GRK7: variants seen among roughly 807,000 people sequenced by gnomAD.
The protein encoded by GRK7 is rhodopsin kinase GRK7.
GRK7 carries 24 observed loss-of-function variants against 34.1 expected under a neutral mutation model. That is an observed-to-expected ratio of 0.70 (90% CI 0.51 to 0.99). The LOEUF (loss-of-function observed/expected upper bound fraction) is 0.99. GRK7 is among the 50% of genes least tolerant of loss of function. GRK7 has a pLI of 0.00. For synonymous variants in GRK7, 256 were observed against 279.4 expected (o/e 0.92, Z 0.84); for missense variants, 644 against 707.3 (o/e 0.91, Z 1.02).
chr3:141,769,912 G>A (rs1457656989), intron 1 of GRK7, among the ~76,000 whole-genome samples: 1 of 148,834 alleles, frequency 6.7e-6, no homozygotes, highest in Non-Finnish European at 1.5e-5. Flanking sequence ...ACAAGGTTTT[G>A]TTTGTTTGTT....
chr3:141,809,689 C>A (rs947522767), intron 5 of GRK7, among the ~76,000 whole-genome samples: 6 of 152,022 alleles, frequency 3.9e-5, no homozygotes, highest in Non-Finnish European at 7.4e-5. Context: ...CAGAGCAAGA[C>A]CCTGTCTCTA....
At chr3:141,751,783 C>T in the GRK7 span, among the ~76,000 whole-genome samples, 1 of 152,224 alleles carries the variant, frequency 6.6e-6, no homozygotes, top group Non-Finnish European at 1.5e-5. Context: ...ATACTAGCCA[C>T]ATTTCAAAGG....
At position 141,789,961 on chromosome 3, in the gene GRK7, T is replaced by C. The variant is rs560431865; in HGVS notation, c.1050+9150T>C. ...AAAAGCGCTCACAGTTTTGACTCCA[T>C]CTTATTGAGTTCATGCACATGGCAA... On this transcript the variant is annotated intron_variant, in intron 4 of 5. Coordinates refer to ENST00000682958, the MANE Select transcript of GRK7 (RefSeq NM_139209.3). 9.9e-5 allele frequency among the ~76,000 whole-genome samples: 15 copies of C among 152,214 alleles called. 1 individual carries two copies. The highest frequency in any genetic ancestry group is 3.6e-4 in the African/African-American group (15 of 41,554).
chr3:141,815,824 A>G (rs1711146990), intron 5 of GRK7, among the ~76,000 whole-genome samples: 1 of 152,010 alleles, frequency 6.6e-6, no homozygotes, highest in Admixed American at 6.6e-5. Context: ...CAATAACCAC[A>G]TGAGTGAGCT....
intron 1 of GRK7, among the ~76,000 whole-genome samples, 29 bp from the exon 2 acceptor site, chr3:141,774,551 T>C (rs932386291): frequency 6.6e-6 from 1 of 152,212 alleles, no homozygotes; most frequent in Admixed American, 6.5e-5. Flanking sequence ...TAAATATCTC[T>C]GTGATATCAA....
At chr3:141,798,696 C>A (rs957702669) in intron 4 of GRK7, among the ~76,000 whole-genome samples, 3 of 152,190 alleles carry the variant, frequency 2.0e-5, no homozygotes, top group Non-Finnish European at 4.4e-5. Context: ...TCTGAGGAGG[C>A]AGTTCACATG....
At chr3:141,779,122 TC>T (rs1257587076) in intron 3 of GRK7, among the ~76,000 whole-genome samples, 2 of 152,138 alleles carry the variant, frequency 1.3e-5, no homozygotes, top group Non-Finnish European at 2.9e-5. Flanking sequence ...TGGCCAAGAC[TC>T]TGTCATGGGT....
chr3:141,759,052 T>G (rs1407133097), upstream of GRK7, among the ~76,000 whole-genome samples: 2 of 141,248 alleles, frequency 1.4e-5, no homozygotes, highest in Non-Finnish European at 3.1e-5. Flanking sequence ...AAGGAGATTT[T>G]GGGCTGAGAC....
intron 4 of GRK7, among the ~76,000 whole-genome samples, chr3:141,788,963 C>T (rs1234990410): frequency 3.3e-5 from 5 of 152,060 alleles, no homozygotes; most frequent in Non-Finnish European, 7.4e-5. Flanking sequence ...GAGGTTCAAG[C>T]GCCACCATGC....
At chr3:141,799,975 T>C (rs1378526783) in intron 4 of GRK7, among the ~76,000 whole-genome samples, 2 of 152,200 alleles carry the variant, frequency 1.3e-5, no homozygotes, top group African/African-American at 4.8e-5. Flanking sequence ...TGAAATGTGC[T>C]CATTGGACGG....
chr3:141,755,797 T>C, the GRK7 span, among the ~76,000 whole-genome samples: 1 of 152,160 alleles, frequency 6.6e-6, no homozygotes, highest in Non-Finnish European at 1.5e-5. Flanking sequence ...GTTAAATATA[T>C]ACTTACCCTA....
At chr3:141,753,226 C>G in the GRK7 span, among the ~76,000 whole-genome samples, 1 of 152,158 alleles carries the variant, frequency 6.6e-6, no homozygotes, top group South Asian at 2.1e-4. Context: ...AAAGTTTGTT[C>G]ACATATTTTG....
intron 4 of GRK7, 130 bp from the exon 5 acceptor site, chr3:141,807,515 A>G: frequency 1.2e-6 from 1 of 844,716 alleles, no homozygotes; most frequent in Non-Finnish European, 1.8e-6. Context: ...GCCACCCCAA[A>G]CAAATTAGGG....
intron 4 of GRK7, among the ~76,000 whole-genome samples, chr3:141,784,031 G>A (rs565333235): frequency 7.2e-5 from 11 of 152,228 alleles, no homozygotes; most frequent in African/African-American, 2.4e-4. Context: ...CTTCTGAGTC[G>A]CCCATGGACA....
rs747391734 is a variant in GRK7, at chr3:141,778,399, C to A, written c.115C>A (p.Leu39Met). 1 of 1,612,522 alleles carries A rather than the reference C, an allele frequency of 6.2e-7. No homozygotes were observed. Residue 39 changes from leucine to methionine, a missense_variant, in exon 3 of 6, where the codon CTG becomes ATG. Leu to Met is a conservative substitution (Grantham distance 15). Transcript: ENST00000682958. The surrounding 1 kb of genome is among the most constrained non-coding windows in gnomAD (Gnocchi z 4.1). The part of the protein sequence containing the change: ...ELQRRRRSLA[L>M]PGLQGCAELR... Reference sequence around the variant, plus strand: ...GCAGCGGCGGCGGCGTAGCCTGGCCCTGCCCGGGCTGCAGGGCTGCGCGGA... The same window carrying A: ...GCAGCGGCGGCGGCGTAGCCTGGCCATGCCCGGGCTGCAGGGCTGCGCGGA...
At chr3:141,750,630 C>G in the GRK7 span, among the ~76,000 whole-genome samples, 1 of 152,046 alleles carries the variant, frequency 6.6e-6, no homozygotes, top group Non-Finnish European at 1.5e-5. Flanking sequence ...ATCTCTTTGC[C>G]TTAATTATAG....
chr3:141,797,793 G>C (rs1360388682), intron 4 of GRK7, among the ~76,000 whole-genome samples: 1 of 152,018 alleles, frequency 6.6e-6, no homozygotes, highest in Non-Finnish European at 1.5e-5. Flanking sequence ...GGGAAGACAC[G>C]GCCGTTTCTT....
chr3:141,772,770 A>G (rs1464892915), intron 1 of GRK7, among the ~76,000 whole-genome samples: 1 of 152,218 alleles, frequency 6.6e-6, no homozygotes, highest in African/African-American at 2.4e-5. Flanking sequence ...ATACTAAAAT[A>G]TTTAAATTGC....
intron 4 of GRK7, among the ~76,000 whole-genome samples, chr3:141,788,440 T>C (rs532866092): frequency 9.1e-4 from 139 of 152,226 alleles, no homozygotes; most frequent in African/African-American, 3.2e-3. Context: ...CTCAGCCCCC[T>C]GGCCTCTTAC....
Sources: gnomAD v4.1 joint callset for allele counts (sites outside exome capture counted in the v4.1 genomes callset) on GRCh38, gnomAD v4.1.1 for gene constraint, Gnocchi (gnomAD v3.1) non-coding constraint, MANE v1.5 for transcripts, NCBI Gene and HGNC (gene_info 2026-07-23, HGNC 2026-07-21) for gene names.